EDIL3: variants seen among roughly 807,000 people sequenced by gnomAD.
EDIL3 encodes the protein EGF like and discoidin domains 3.
A neutral mutation model predicts 67.4 loss-of-function variants in EDIL3; 37 were observed. That is an observed-to-expected ratio of 0.55 (90% CI 0.42 to 0.72). The LOEUF is 0.72. Among genes scored for constraint, EDIL3 ranks in the 30% least tolerant of loss-of-function variants. EDIL3 has a pLI of 0.00. For synonymous variants in EDIL3, 195 were observed against 196.3 expected (o/e 0.99, Z 0.05); for missense variants, 527 against 586.3 (o/e 0.90, Z 1.04).
chr5:84,310,898 A>G (rs1408636991), intron 1 of EDIL3, among the ~76,000 whole-genome samples: 1 of 152,172 alleles, frequency 6.6e-6, no homozygotes, highest in African/African-American at 2.4e-5. Context: ...TCAACCCTTG[A>G]AGGTAACCAC....
intron 10 of EDIL3, among the ~76,000 whole-genome samples, chr5:83,953,031 A>G (rs1317553855): frequency 3.3e-5 from 5 of 151,778 alleles, no homozygotes; most frequent in Admixed American, 1.3e-4. Context: ...GGAATCGTAC[A>G]GCTGAAGCAG....
At chr5:84,191,892 A>G (rs2112368536) in intron 3 of EDIL3, among the ~76,000 whole-genome samples, 1 of 152,144 alleles carries the variant, frequency 6.6e-6, no homozygotes, top group Admixed American at 6.6e-5. Flanking sequence ...TGTGTATATC[A>G]ATTTACATAG....
chr5:84,013,274 C>A (rs1006985519), intron 9 of EDIL3, among the ~76,000 whole-genome samples: 8 of 151,892 alleles, frequency 5.3e-5, no homozygotes, highest in African/African-American at 1.9e-4. Flanking sequence ...ATTTTAAATT[C>A]TTCAATCTAA....
Position 84,074,979 on chromosome 5 carries a change from G to A in EDIL3, c.652-8373C>T, listed in dbSNP as rs1375186607. Among the ~76,000 whole-genome samples, 8 of 152,266 alleles carry A rather than the reference G, an allele frequency of 5.3e-5. No homozygotes were observed. In the East Asian group the frequency reaches 9.6e-4, roughly 18 times the overall value. ...GTCCAACAATGATAGACTGGATTAA[G>A]AAAATGTGGCACATATATACCATGG... is the stretch of plus-strand genomic sequence containing the variant. On this transcript the variant is annotated intron_variant, in intron 6 of 10. Transcript: ENST00000296591.
chr5:84,214,256 GC>G (rs1286492007), intron 3 of EDIL3, among the ~76,000 whole-genome samples: 1 of 152,028 alleles, frequency 6.6e-6, no homozygotes, highest in Non-Finnish European at 1.5e-5. Flanking sequence ...ATTTTTTTCT[GC>G]CAAGGAATTT....
At chr5:84,180,213 A>T (rs1018450960) in intron 4 of EDIL3, among the ~76,000 whole-genome samples, 180 bp downstream of exon 4, 1 of 152,174 alleles carries the variant, frequency 6.6e-6, no homozygotes, top group Admixed American at 6.6e-5. Flanking sequence ...GGATTGAAAC[A>T]CAGTCTAGGA....
chr5:84,006,875 TA>T (rs1010947711), intron 9 of EDIL3, among the ~76,000 whole-genome samples: 3 of 151,934 alleles, frequency 2.0e-5, no homozygotes, highest in South Asian at 4.2e-4. Flanking sequence ...GAAACTTATA[TA>T]AAAAAAGAAT....
chr5:84,045,129 T>C (rs1325146266), intron 9 of EDIL3, among the ~76,000 whole-genome samples: 1 of 151,982 alleles, frequency 6.6e-6, no homozygotes, highest in Non-Finnish European at 1.5e-5. Context: ...TATAAAACCA[T>C]CAGATCTCAT....
intron 9 of EDIL3, among the ~76,000 whole-genome samples, chr5:84,014,401 T>C (rs659149): frequency 0.87 from 131,739 of 152,244 alleles, 57,512 homozygotes; most frequent in Non-Finnish European, 0.92. Context: ...AATCCCAGCA[T>C]TTTGGGAGGC....
At chr5:84,314,760 A>G (rs1222454060) in intron 1 of EDIL3, among the ~76,000 whole-genome samples, 3 of 152,152 alleles carry the variant, frequency 2.0e-5, no homozygotes, top group Non-Finnish European at 4.4e-5. Context: ...CAAAATCTTC[A>G]AGACAACAAA....
intron 9 of EDIL3, among the ~76,000 whole-genome samples, chr5:84,002,022 C>CA (rs1228633143): frequency 6.6e-6 from 1 of 151,800 alleles, no homozygotes; most frequent in African/African-American, 2.4e-5. Context: ...TGAACTGATA[C>CA]AAAAATCTTC....
intron 3 of EDIL3, among the ~76,000 whole-genome samples, chr5:84,208,479 A>C (rs1744035310): frequency 6.6e-6 from 1 of 151,450 alleles, no homozygotes; most frequent in African/African-American, 2.4e-5. Flanking sequence ...GGAGATCGAG[A>C]CCATCCTGGC....
chr5:84,253,701 G>A (rs1047676127), intron 2 of EDIL3, among the ~76,000 whole-genome samples: 46 of 151,808 alleles, frequency 3.0e-4, no homozygotes, highest in African/African-American at 1.0e-3. Context: ...ATGGATATTC[G>A]AAGTCCCTAA....
intron 3 of EDIL3, among the ~76,000 whole-genome samples, chr5:84,185,439 CAG>C (rs1219884167): frequency 1.3e-5 from 2 of 152,006 alleles, no homozygotes; most frequent in African/African-American, 2.4e-5. Flanking sequence ...GTACTCATGA[CAG>C]AGTGTTGAAA....
chr5:84,075,141 T>C (rs564804158), intron 6 of EDIL3, among the ~76,000 whole-genome samples: 3 of 151,578 alleles, frequency 2.0e-5, no homozygotes, highest in South Asian at 2.1e-4. Context: ...TAGGTGGGAA[T>C]TGAACAATAA....
chr5:84,337,031 C>A (rs1351324522), intron 1 of EDIL3, among the ~76,000 whole-genome samples: 1 of 152,108 alleles, frequency 6.6e-6, no homozygotes, highest in Admixed American at 6.6e-5. Flanking sequence ...TTGTTCACTG[C>A]ACAAGAGTAC....
chr5:84,094,911 C>A (rs948711980), intron 6 of EDIL3, among the ~76,000 whole-genome samples: 1 of 152,082 alleles, frequency 6.6e-6, no homozygotes, highest in African/African-American at 2.4e-5. Flanking sequence ...ATGGATAATG[C>A]TTACTTGTGA....
intron 1 of EDIL3, among the ~76,000 whole-genome samples, chr5:84,303,994 A>G (rs527619556): frequency 1.2e-3 from 180 of 152,160 alleles, no homozygotes; most frequent in African/African-American, 4.0e-3. Flanking sequence ...ATATCAATCC[A>G]TATAAATTTA....
At chr5:84,244,454 T>C (rs1246158941) in intron 2 of EDIL3, among the ~76,000 whole-genome samples, 1 of 151,408 alleles carries the variant, frequency 6.6e-6, no homozygotes, top group Non-Finnish European at 1.5e-5. Context: ...ATTTTTTTTT[T>C]TTTTTTGTAT....
Sources: allele counts gnomAD v4.1 joint callset (sites outside exome capture counted in the v4.1 genomes callset), GRCh38; gene constraint gnomAD v4.1.1; transcripts MANE v1.5; gene names NCBI Gene and HGNC (gene_info 2026-07-23, HGNC 2026-07-21).